Variants in AP3D1 observed in about 807,000 individuals in gnomAD.
The protein encoded by AP3D1 is AP-3 complex subunit delta-1.
Under a neutral mutation model 147.6 loss-of-function variants are expected in AP3D1, and 51 were observed. The ratio of observed to expected loss-of-function variants is 0.35; its 90% confidence interval spans 0.28 to 0.44. The LOEUF is 0.44. AP3D1 is among the 20% of genes least tolerant of loss of function. The probability of loss-of-function intolerance (pLI) is 1.00; values close to 1 mark genes in which losing one functional copy is unlikely to be tolerated. For synonymous variants in AP3D1, 760 were observed against 663.0 expected, an observed-to-expected ratio of 1.15 and a Z score of -2.25; for missense variants, 1,421 against 1,624.2, an observed-to-expected ratio of 0.87 and a Z score of 2.15.
intron 9 of AP3D1, among the ~76,000 whole-genome samples, chr19:2,125,903 T>C (rs985154294): frequency 2.0e-5 from 3 of 151,406 alleles, no homozygotes; most frequent in African/African-American, 7.3e-5. Context: ...TCCCATCACT[T>C]TGAGAGGTCA....
Position 2,102,042 on chromosome 19 carries a change from C to A in AP3D1, c.*131G>T. The A allele has an allele frequency of 1.5e-6, 1 of 689,630 alleles. No individual in the cohort carries two copies. Among genetic ancestry groups the A allele is most frequent in the Non-Finnish European group, 2.5e-6 (1 of 399,908 alleles). 42.7% of individuals were successfully genotyped at this position (689,630 alleles called of 1,614,324 possible). A position where few individuals can be genotyped will look rare whatever the true frequency, so the allele number is the denominator to read the frequency against. ...CAAATGACCTCGGATGTCTACACGG[C>A]GGACAACATAGAGTTAAATTAACAC... On this transcript the variant is annotated 3_prime_UTR_variant, in exon 32 of 32. Transcript: ENST00000643116.
At chr19:2,119,686 C>G (rs1281586359) in intron 14 of AP3D1, among the ~76,000 whole-genome samples, 4 of 85,204 alleles carry the variant, frequency 4.7e-5, no homozygotes, top group Non-Finnish European at 8.4e-5. Context: ...ACAGATAGAG[C>G]AAGACTCTGT....
Position 2,101,783 on chromosome 19 carries a change from A to C in AP3D1, c.*390T>G, listed in dbSNP as rs916293096. The C allele has an allele frequency of 1.1e-5, 2 of 181,850 alleles. No individual in the cohort carries two copies. Among genetic ancestry groups the C allele is most frequent in the African/African-American group, 4.7e-5 (2 of 42,136 alleles). The allele number at this position is 181,850 out of a possible 1,614,324, so 11.3% of individuals were successfully genotyped here. ...GGTCAAAAGCAGGCGACCCCAGAGG[A>C]GGCCACGTCAGCCCCGCCCTGTCCA... On this transcript the variant is annotated 3_prime_UTR_variant, in exon 32 of 32. Coordinates refer to ENST00000643116, the MANE Select transcript of AP3D1 (RefSeq NM_001261826.3).
chr19:2,161,778 A>G lies in AP3D1; in HGVS notation c.-103+2578T>C, dbSNP rs146744081. On this transcript the variant is annotated intron_variant, in intron 1 of 14. Transcript: ENST00000643010. ...AGCCTGGCCAACATGGCGAGACCCT[A>G]TCTCTACTAAAAATACAAAAATTAG... Among the ~76,000 whole-genome samples the G allele has an allele frequency of 3.9e-5, 6 of 151,996 alleles. No individual in the cohort carries two copies. The East Asian group carries it at 1.2e-3, about 30-fold the overall frequency.
chr19:2,107,802 GAC>G (rs150796025), intron 31 of AP3D1, among the ~76,000 whole-genome samples: 18,875 of 151,520 alleles, frequency 0.12, 1,296 homozygotes, highest in Non-Finnish European at 0.16. Context: ...GGAAAAAAGA[GAC>G]ACAAACCGTG....
rs193131310 is a variant in AP3D1, at chr19:2,123,507, C to T, written c.907-101G>A. ...AACCTCAACCTGGCCTAAGGCCCGG[C>T]GTCAGCCCCACCCACCAATCAAAGC... On this transcript the variant is annotated intron_variant, in intron 10 of 31. Transcript: ENST00000643116. 527 of 1,217,834 alleles carry T rather than the reference C, an allele frequency of 4.3e-4. 3 individuals carry two copies. Among genetic ancestry groups the T allele is most frequent in the Middle Eastern group, 3.8e-4 (2 of 5,206 alleles). 75.4% of individuals were successfully genotyped at this position (1,217,834 alleles called of 1,614,324 possible).
intron 19 of AP3D1, 50 bp downstream of exon 19, chr19:2,115,488 C>T (rs969141236): frequency 1.9e-6 from 3 of 1,610,048 alleles, no homozygotes; most frequent in African/African-American, 2.7e-5. Flanking sequence ...GGCGGGAGCA[C>T]CCCACAGCCC....
chr19:2,137,897 A>C (rs2019119566), intron 2 of AP3D1, 90 bp from the exon 3 acceptor site: 6 of 1,159,748 alleles, frequency 5.2e-6, no homozygotes, highest in Non-Finnish European at 7.7e-6. Context: ...CTCCCAGCAC[A>C]CGGTGCTGGA....
chr19:2,109,038 G>A lies in AP3D1; in HGVS notation c.3472+48C>T, dbSNP rs373771967. 23 of 1,600,196 alleles carry A rather than the reference G, an allele frequency of 1.4e-5. 1 individual carries two copies. The highest frequency in any genetic ancestry group is 8.1e-5 in the African/African-American group (6 of 73,940). ...GCTCCAATAGGAAGGGACAGCTGCCGCGTGCGTGAAAGCCCCGTGCAATCC... is the reference window on the plus strand; with the variant it reads ...GCTCCAATAGGAAGGGACAGCTGCCACGTGCGTGAAAGCCCCGTGCAATCC... On this transcript the variant is annotated intron_variant, in intron 30 of 31. Transcript: ENST00000643116.
chr19:2,109,943 T>A lies in AP3D1; in HGVS notation c.3280A>T (p.Thr1094Ser), dbSNP rs547984913. The A allele has an allele frequency of 6.2e-7, 1 of 1,613,524 alleles. No homozygotes were observed. The highest frequency in any genetic ancestry group is 1.1e-5 in the South Asian group (1 of 91,048). The change falls in exon 29 of 32, where the codon ACC becomes TCC. Residue 1094 changes from threonine to serine, a missense_variant. Transcript: ENST00000643116. ...SFIAKNDEGA[T>S]HEKLDFRLHF... is the part of the protein sequence containing the mutation. ...AGCCTGAAGTCCAGCTTCTCGTGGG[T>A]CGCACCCTCGTCATTCTGCGGTGGA...
intron 26 of AP3D1, 27 bp from the exon 27 acceptor site, chr19:2,110,923 G>A: frequency 6.2e-7 from 1 of 1,600,842 alleles, no homozygotes; most frequent in Non-Finnish European, 8.5e-7. Context: ...GTGTTAGCAG[G>A]GCAGGCGGGC....
intron 1 of AP3D1, among the ~76,000 whole-genome samples, chr19:2,139,265 C>A (rs1039112555): frequency 6.6e-6 from 1 of 151,982 alleles, no homozygotes; most frequent in African/African-American, 2.4e-5. Context: ...GTGGTGGTGG[C>A]GCACAGCATT....
intron 4 of AP3D1, among the ~76,000 whole-genome samples, chr19:2,133,042 T>G (rs1368919132): frequency 6.6e-6 from 1 of 152,078 alleles, no homozygotes; most frequent in Non-Finnish European, 1.5e-5. Context: ...CCACCCCGGG[T>G]GCAAGAGCAG....
intron 14 of AP3D1, 92 bp from the exon 15 acceptor site, chr19:2,118,924 A>G: frequency 8.3e-7 from 1 of 1,205,188 alleles, no homozygotes; most frequent in Non-Finnish European, 1.2e-6. Context: ...GCTCGTCACC[A>G]ACAAGGTGAC....
At position 2,112,727 on chromosome 19, in the gene AP3D1, C is replaced by T. The variant is rs945159448; in HGVS notation, c.2787+133G>A. 15 of 608,522 alleles carry T rather than the reference C, an allele frequency of 2.5e-5. No homozygotes were observed. The East Asian group carries it at 3.3e-4, about 13-fold the overall frequency. The allele number at this position is 608,522 out of a possible 1,614,324, so 37.7% of individuals were successfully genotyped here. A position where few individuals can be genotyped will look rare whatever the true frequency, so the allele number is the denominator to read the frequency against. ...AAGACCACAACCACAACAAAAGGCC[C>T]GTGAGAACGCCAACACAAATGCGAG... On this transcript the variant is annotated intron_variant, in intron 24 of 31. Coordinates refer to ENST00000643116, the MANE Select transcript of AP3D1 (RefSeq NM_001261826.3).
At chr19:2,112,559 G>A in intron 24 of AP3D1, 1 of 296,980 alleles carries the variant, frequency 3.4e-6, no homozygotes, top group Non-Finnish European at 6.2e-6. Flanking sequence ...TAGGGGTCAT[G>A]GAAAGTTCTG....
chr19:2,129,491 T>C, intron 6 of AP3D1, 34 bp from the exon 7 acceptor site: 2 of 1,596,818 alleles, frequency 1.3e-6, no homozygotes, highest in Non-Finnish European at 1.7e-6. Context: ...AGCATGCCTG[T>C]CCTTCCACCT....
intron 31 of AP3D1, among the ~76,000 whole-genome samples, chr19:2,102,765 AAAT>A: frequency 6.8e-6 from 1 of 147,112 alleles, no homozygotes; most frequent in East Asian, 2.0e-4. Flanking sequence ...ATAAATAAAT[AAAT>A]AAATAAATAA....
chr19:2,142,550 G>C (rs2019249100), intron 1 of AP3D1, among the ~76,000 whole-genome samples: 1 of 152,228 alleles, frequency 6.6e-6, no homozygotes, highest in African/African-American at 2.4e-5. Flanking sequence ...CACAACCTCA[G>C]CAGCTGATTC....
Sources: allele counts gnomAD v4.1 joint callset (sites outside exome capture counted in the v4.1 genomes callset), GRCh38; gene constraint gnomAD v4.1.1; transcripts MANE v1.5; gene names NCBI Gene and HGNC (gene_info 2026-07-23, HGNC 2026-07-21).